The following SPOCK3 variants were observed in gnomAD, a reference collection of about 807,000 sequenced individuals.
SPOCK3 encodes the protein SPARC (osteonectin), cwcv and kazal like domains proteoglycan 3.
A neutral mutation model predicts 56.6 loss-of-function variants in SPOCK3; 30 were observed. The ratio of observed to expected loss-of-function variants is 0.53; its 90% CI spans 0.40 to 0.72. The LOEUF (loss-of-function observed/expected upper bound fraction) is 0.72, where lower values mean the gene tolerates loss of function less well. Among genes scored for constraint, SPOCK3 ranks in the 30% least tolerant of loss-of-function variants. The pLI is 0.00. For missense variants in SPOCK3, 527 were observed against 530.0 expected (o/e 0.99, Z 0.06); for synonymous variants, 196 against 183.3 (o/e 1.07, Z -0.56).
intron 6 of SPOCK3, among the ~76,000 whole-genome samples, chr4:166,884,297 G>C (rs1347672382): frequency 6.6e-6 from 1 of 151,332 alleles, no homozygotes; most frequent in Non-Finnish European, 1.5e-5. Flanking sequence ...AGCTTGCAGT[G>C]AGCCAAGATA....
At chr4:166,808,546 T>C (rs1406244120) in intron 6 of SPOCK3, among the ~76,000 whole-genome samples, 2 of 151,994 alleles carry the variant, frequency 1.3e-5, no homozygotes, top group African/African-American at 4.8e-5. Flanking sequence ...TCCCTCATGC[T>C]GCCTTGCACT....
chr4:166,842,276 C>G (rs1444086632), intron 6 of SPOCK3, among the ~76,000 whole-genome samples: 1 of 152,212 alleles, frequency 6.6e-6, no homozygotes, highest in Non-Finnish European at 1.5e-5. Context: ...TGCTTTTATT[C>G]CTTATCTGGC....
At chr4:166,857,827 G>T (rs1435501510) in intron 6 of SPOCK3, among the ~76,000 whole-genome samples, 1 of 152,128 alleles carries the variant, frequency 6.6e-6, no homozygotes, top group Non-Finnish European at 1.5e-5. Flanking sequence ...ACATGGTTAG[G>T]CTTTTAGCCC....
intron 3 of SPOCK3, among the ~76,000 whole-genome samples, chr4:167,043,537 G>C (rs1430571873): frequency 6.6e-6 from 1 of 151,906 alleles, no homozygotes; most frequent in Non-Finnish European, 1.5e-5. Context: ...GAAGCTTAGA[G>C]TTTCTCATAA....
At chr4:167,057,325 C>A (rs1352364023) in intron 3 of SPOCK3, among the ~76,000 whole-genome samples, 1 of 152,172 alleles carries the variant, frequency 6.6e-6, no homozygotes, top group Non-Finnish European at 1.5e-5. Context: ...CCAGCCACTG[C>A]AAAATCATGC....
At chr4:167,152,582 G>A (rs1764513625) in intron 2 of SPOCK3, among the ~76,000 whole-genome samples, 1 of 152,110 alleles carries the variant, frequency 6.6e-6, no homozygotes, top group South Asian at 2.1e-4. Flanking sequence ...AATCATCTAA[G>A]CTTGGACTAA....
At chr4:166,794,744 G>C (rs28649358) in intron 6 of SPOCK3, among the ~76,000 whole-genome samples, 7,652 of 149,610 alleles carry the variant, frequency 0.051, 621 homozygotes, top group African/African-American at 0.18. Context: ...TCGGGTTCAA[G>C]AGATTCTCCT....
At chr4:166,934,060 C>G (rs1740093018) in intron 4 of SPOCK3, among the ~76,000 whole-genome samples, 1 of 151,968 alleles carries the variant, frequency 6.6e-6, no homozygotes, top group Non-Finnish European at 1.5e-5. Context: ...ATCTCAAACT[C>G]TTCATAATTC....
At chr4:166,986,868 T>C (rs1747226604) in intron 4 of SPOCK3, among the ~76,000 whole-genome samples, 1 of 152,084 alleles carries the variant, frequency 6.6e-6, no homozygotes, top group African/African-American at 2.4e-5. Flanking sequence ...ATCCAATTCA[T>C]TCTCAAGTGT....
At chr4:166,796,104 T>A (rs1741909537) in intron 6 of SPOCK3, among the ~76,000 whole-genome samples, 1 of 152,188 alleles carries the variant, frequency 6.6e-6, no homozygotes, top group Admixed American at 6.5e-5. Flanking sequence ...AGATACCGAA[T>A]TTGCTGGTGC....
chr4:167,051,026 T>C (rs1226603158), intron 3 of SPOCK3, among the ~76,000 whole-genome samples: 2 of 152,172 alleles, frequency 1.3e-5, no homozygotes, highest in Non-Finnish European at 2.9e-5. Context: ...CAAAACGATA[T>C]GAATGTACCT....
At chr4:167,087,766 C>T (rs1758333263) in intron 2 of SPOCK3, among the ~76,000 whole-genome samples, 1 of 152,096 alleles carries the variant, frequency 6.6e-6, no homozygotes, top group African/African-American at 2.4e-5. Context: ...ATTTACTTCC[C>T]ACATACTAGG....
chr4:167,169,552 G>A (rs907844286), intron 2 of SPOCK3, among the ~76,000 whole-genome samples: 1 of 152,180 alleles, frequency 6.6e-6, no homozygotes, highest in Non-Finnish European at 1.5e-5. Context: ...TATCTGGGAA[G>A]TAACTAACTT....
At chr4:167,016,734 G>T (rs1317589567) in intron 3 of SPOCK3, among the ~76,000 whole-genome samples, 1 of 151,918 alleles carries the variant, frequency 6.6e-6, no homozygotes, top group African/African-American at 2.4e-5. Flanking sequence ...TAGAGATAGG[G>T]TTTCACCATA....
At chr4:166,748,415 G>A (rs1735932618) in intron 8 of SPOCK3, among the ~76,000 whole-genome samples, 1 of 136,778 alleles carries the variant, frequency 7.3e-6, no homozygotes, top group Non-Finnish European at 1.5e-5. Flanking sequence ...AATGGTGCTG[G>A]GAAAACTGGC....
chr4:166,767,205 C>G (rs928263888), intron 7 of SPOCK3, among the ~76,000 whole-genome samples: 1 of 151,990 alleles, frequency 6.6e-6, no homozygotes, highest in Non-Finnish European at 1.5e-5. Flanking sequence ...CTGCTCTGAT[C>G]TTAGTTATTT....
At chr4:167,065,701 T>A (rs1756058067) in intron 2 of SPOCK3, among the ~76,000 whole-genome samples, 1 of 151,810 alleles carries the variant, frequency 6.6e-6, no homozygotes. Context: ...AACAAAAAAA[T>A]AGTTTCACCT....
chr4:166,764,561 G>C (rs1304107116), intron 7 of SPOCK3, among the ~76,000 whole-genome samples: 1 of 152,062 alleles, frequency 6.6e-6, no homozygotes, highest in African/African-American at 2.4e-5. Context: ...CGGTGTATAT[G>C]TGCCACATTT....
At chr4:166,936,732 CTTATTTCT>C (rs1740449442) in intron 4 of SPOCK3, among the ~76,000 whole-genome samples, 1 of 151,742 alleles carries the variant, frequency 6.6e-6, no homozygotes, top group Non-Finnish European at 1.5e-5. Context: ...TTCTTATTTC[CTTATTTCT>C]ACTTTTAGTT....
Sources: allele counts gnomAD v4.1 joint callset (sites outside exome capture counted in the v4.1 genomes callset), GRCh38; gene constraint gnomAD v4.1.1; transcripts MANE v1.5; gene names NCBI Gene and HGNC (gene_info 2026-07-23, HGNC 2026-07-21).